Variants in RANBP17 observed in about 807,000 individuals in gnomAD.
RANBP17 encodes the protein RAN binding protein 17.
Under a neutral mutation model 141.2 loss-of-function variants are expected in RANBP17, and 158 were observed. The observed-to-expected ratio is 1.12, with a 90% CI of 0.98 to 1.28. The LOEUF is 1.28. RANBP17 is among the 50% of genes most tolerant of loss of function. The pLI is 0.00. For synonymous variants in RANBP17, 430 were observed against 450.0 expected (o/e 0.96, Z 0.56); for missense variants, 1,438 against 1,290.7 (o/e 1.11, Z -1.75).
chr5:171,063,345 A>G (rs1490014402), intron 14 of RANBP17, among the ~76,000 whole-genome samples: 1 of 152,120 alleles, frequency 6.6e-6, no homozygotes, highest in Non-Finnish European at 1.5e-5. Flanking sequence ...TTTGGTGTGG[A>G]TGTCCTTTCT....
intron 14 of RANBP17, among the ~76,000 whole-genome samples, chr5:171,145,900 A>G (rs1174342350): frequency 2.6e-5 from 4 of 152,196 alleles, no homozygotes; most frequent in African/African-American, 7.2e-5. Flanking sequence ...TAGATACTCA[A>G]AGGATAACAT....
intron 14 of RANBP17, among the ~76,000 whole-genome samples, chr5:171,029,494 A>C (rs1043896314): frequency 5.3e-5 from 8 of 152,160 alleles, no homozygotes; most frequent in African/African-American, 1.9e-4. Context: ...ATTTGCACTC[A>C]TGGTCATCAC....
At chr5:171,231,417 G>C (rs1209592794) in intron 22 of RANBP17, among the ~76,000 whole-genome samples, 1 of 152,062 alleles carries the variant, frequency 6.6e-6, no homozygotes, top group African/African-American at 2.4e-5. Flanking sequence ...CTTGTGTACT[G>C]TTTTGTACCA....
intron 24 of RANBP17, among the ~76,000 whole-genome samples, chr5:171,249,601 G>T (rs1038786875): frequency 2.0e-5 from 3 of 152,114 alleles, no homozygotes; most frequent in Non-Finnish European, 2.9e-5. Context: ...TGGAACTGAA[G>T]AATTCATTGA....
intron 5 of RANBP17, among the ~76,000 whole-genome samples, chr5:170,909,165 C>G (rs886679564): frequency 1.3e-5 from 2 of 151,756 alleles, no homozygotes; most frequent in African/African-American, 2.4e-5. Context: ...AATCAGATTT[C>G]TGATTATTTA....
At chr5:171,191,561 T>C (rs4868070) in intron 18 of RANBP17, among the ~76,000 whole-genome samples, 152,179 of 152,182 alleles carry the variant, frequency 1, 76,088 homozygotes, top group Middle Eastern at 1. Context: ...ATGGCGGGTC[T>C]CTGTAGTCCC....
intron 21 of RANBP17, among the ~76,000 whole-genome samples, chr5:171,215,987 A>G (rs746818450): frequency 1.3e-5 from 2 of 152,164 alleles, no homozygotes; most frequent in Admixed American, 6.5e-5. Flanking sequence ...GCCCATGCCT[A>G]TGTCCTGAAT....
chr5:171,099,896 G>C (rs1010529171), intron 14 of RANBP17, among the ~76,000 whole-genome samples: 3 of 152,124 alleles, frequency 2.0e-5, no homozygotes, highest in African/African-American at 7.2e-5. Flanking sequence ...TTTATGTGAT[G>C]GATTACGTTT....
At chr5:171,175,347 C>A (rs983039572) in intron 16 of RANBP17, among the ~76,000 whole-genome samples, 4 of 152,146 alleles carry the variant, frequency 2.6e-5, no homozygotes, top group African/African-American at 9.7e-5. Context: ...AATGGTATTT[C>A]TGGTTCTAGA....
chr5:170,927,910 A>G (rs1183557497), intron 12 of RANBP17, among the ~76,000 whole-genome samples: 1 of 152,066 alleles, frequency 6.6e-6, no homozygotes, highest in African/African-American at 2.4e-5. Context: ...GCTGGGTCAT[A>G]TGGTAAATGT....
chr5:170,941,530 A>C (rs1774324691), intron 12 of RANBP17, among the ~76,000 whole-genome samples: 1 of 152,210 alleles, frequency 6.6e-6, no homozygotes, highest in African/African-American at 2.4e-5. Context: ...AGAATTTAGA[A>C]GATGTTTGCA....
chr5:171,004,987 C>T (rs1319312148), intron 14 of RANBP17, among the ~76,000 whole-genome samples: 3 of 152,124 alleles, frequency 2.0e-5, no homozygotes, highest in African/African-American at 7.2e-5. Flanking sequence ...AAATACGTTG[C>T]TGTCTGGCTA....
intron 14 of RANBP17, among the ~76,000 whole-genome samples, chr5:171,022,106 G>A (rs115605401): frequency 3.4e-4 from 51 of 152,178 alleles, no homozygotes; most frequent in African/African-American, 1.1e-3. Flanking sequence ...CTCTTCATCC[G>A]GTTCACTCCC....
intron 12 of RANBP17, among the ~76,000 whole-genome samples, chr5:170,943,920 TACTA>T (rs1441568798): frequency 6.6e-6 from 1 of 152,158 alleles, no homozygotes; most frequent in East Asian, 1.9e-4. Context: ...AATAAAGTAT[TACTA>T]ACTATAGTCC....
At chr5:170,926,106 A>T (rs186866425) in intron 12 of RANBP17, among the ~76,000 whole-genome samples, 2 of 152,278 alleles carry the variant, frequency 1.3e-5, no homozygotes, top group African/African-American at 2.4e-5. Flanking sequence ...AGGTGTTCCC[A>T]TCAATCTCTA....
At chr5:170,960,430 A>G (rs1355701859) in intron 13 of RANBP17, among the ~76,000 whole-genome samples, 3 of 152,174 alleles carry the variant, frequency 2.0e-5, no homozygotes, top group African/African-American at 7.2e-5. Context: ...CATCTTTTCC[A>G]TCACCTAACC....
chr5:171,111,198 C>A (rs1755203539), intron 14 of RANBP17, among the ~76,000 whole-genome samples: 1 of 152,138 alleles, frequency 6.6e-6, no homozygotes, highest in South Asian at 2.1e-4. Context: ...TCAAAATATT[C>A]TTTATGCCAA....
At chr5:171,047,418 T>C (rs1782661867) in intron 14 of RANBP17, among the ~76,000 whole-genome samples, 1 of 149,110 alleles carries the variant, frequency 6.7e-6, no homozygotes, top group South Asian at 2.2e-4. Context: ...TCTTTTCAAG[T>C]CTTAACCCTT....
intron 13 of RANBP17, among the ~76,000 whole-genome samples, chr5:170,964,035 G>A (rs142450324): frequency 4.8e-4 from 73 of 152,120 alleles, no homozygotes; most frequent in Middle Eastern, 3.4e-3. Context: ...AAAATACACC[G>A]AGATGCCGTT....
Sources: allele counts gnomAD v4.1 joint callset (sites outside exome capture counted in the v4.1 genomes callset), GRCh38; gene constraint gnomAD v4.1.1; transcripts MANE v1.5; gene names NCBI Gene and HGNC (gene_info 2026-07-23, HGNC 2026-07-21).